Variants in CRISP2 observed in about 807,000 individuals in gnomAD.
CRISP2 encodes cysteine rich secretory protein 2, also known as cysteine-rich secretory protein 2.
A neutral mutation model predicts 31.7 loss-of-function variants in CRISP2; 29 were observed. The observed-to-expected ratio is 0.92, with a 90% CI of 0.68 to 1.25. CRISP2 has a LOEUF of 1.25. Among genes scored for constraint, CRISP2 ranks in the 50% most tolerant of loss-of-function variants. The pLI is 0.00. For synonymous variants in CRISP2, 111 were observed against 101.4 expected, an observed-to-expected ratio of 1.09 and a Z score of -0.57; for missense variants, 318 against 286.5, an observed-to-expected ratio of 1.11 and a Z score of -0.79.
At chr6:49,692,921 T>C in intron 9 of CRISP2, 21 bp from the exon 10 acceptor site, 2 of 1,611,454 alleles carry the variant, frequency 1.2e-6, no homozygotes, top group Non-Finnish European at 8.5e-7. Flanking sequence ...AACAGATTAG[T>C]TAACTCATTA....
intron 4 of CRISP2, among the ~76,000 whole-genome samples, chr6:49,702,679 C>T (rs1417759347): frequency 6.6e-6 from 1 of 151,788 alleles, no homozygotes; most frequent in Non-Finnish European, 1.5e-5. Flanking sequence ...TGTTTTAGTT[C>T]CTTGTAGATT....
At chr6:49,701,039 A>G (rs1454678441) in intron 4 of CRISP2, among the ~76,000 whole-genome samples, 1 of 152,154 alleles carries the variant, frequency 6.6e-6, no homozygotes, top group African/African-American at 2.4e-5. Context: ...GGAAAGTAGT[A>G]GATTAAAGCT....
intron 9 of CRISP2, among the ~76,000 whole-genome samples, chr6:49,695,026 A>T (rs1218067271): frequency 6.6e-6 from 1 of 152,116 alleles, no homozygotes; most frequent in African/African-American, 2.4e-5. Context: ...TCTGAAATAT[A>T]GCTATATAAC....
Position 49,700,671 on chromosome 6 carries a change from C to T in CRISP2, c.180G>A (p.Lys60=), listed in dbSNP as rs202130681. Residue 60 remains lysine (K), a synonymous_variant, in exon 5 of 10, where the codon AAG becomes AAA. Transcript: ENST00000339139. ...TCCTTACAGCACTGCCTCTTACCAT[C>T]TTTAGCATGTTACTGGCAGGTGGAG... ...AVSPPASNML[K]MEWSREVTTN... 4 of 1,598,314 alleles carry T rather than the reference C, an allele frequency of 2.5e-6. No individual in the cohort carries two copies. The highest frequency in any genetic ancestry group is 4.5e-5 in the East Asian group (2 of 44,758).
chr6:49,702,154 T>TGTGTAC lies in CRISP2; in HGVS notation c.67-1371_67-1370insGTACAC, dbSNP rs1263956320. 2.0e-3 allele frequency among the ~76,000 whole-genome samples: 114 copies of TGTGTAC among 57,656 alleles called. 3 individuals are homozygous for TGTGTAC. Among genetic ancestry groups the TGTGTAC allele is most frequent in the African/African-American group, 7.8e-3 (111 of 14,318 alleles). 37.8% of individuals were successfully genotyped at this position (57,656 alleles called of 152,430 possible). A position where few individuals can be genotyped will look rare whatever the true frequency, so the allele number is the denominator to read the frequency against. ...TATATGTGTACTATATATATATATA[T>TGTGTAC]ATATATATATATATATATATATATA... On this transcript the variant is annotated intron_variant, in intron 4 of 9. Transcript: ENST00000339139.
At chr6:49,698,045 AT>A (rs776911358) in intron 7 of CRISP2, 88 bp from the exon 8 acceptor site, 62 of 1,071,314 alleles carry the variant, frequency 5.8e-5, no homozygotes, top group Non-Finnish European at 8.3e-5. Context: ...AAACTGAAAA[AT>A]GTTAGTTTTA....
downstream of CRISP2, among the ~76,000 whole-genome samples, chr6:49,691,375 T>C (rs531453786): frequency 1.1e-3 from 172 of 152,176 alleles, no homozygotes; most frequent in Non-Finnish European, 1.9e-3. Context: ...TGTCAAAAAA[T>C]CAATTTCCAA....
At chr6:49,701,223 C>A (rs1056941498) in intron 4 of CRISP2, among the ~76,000 whole-genome samples, 1 of 151,856 alleles carries the variant, frequency 6.6e-6, no homozygotes, top group Admixed American at 6.6e-5. Context: ...GTGCACCCAT[C>A]ACCCCAGCAG....
Position 49,692,738 on chromosome 6 carries a change from A to G in CRISP2, c.*35T>C. The G allele has an allele frequency of 6.3e-7, 1 of 1,580,132 alleles. No individual in the cohort carries two copies. On this transcript the variant is annotated 3_prime_UTR_variant, in exon 10 of 10. Transcript: ENST00000339139. ...GTCGCAATTAAATGATGCAGCCCTTATCCATGCAGTCTTGCACAATGCTCA... is the reference window on the plus strand; with the variant it reads ...GTCGCAATTAAATGATGCAGCCCTTGTCCATGCAGTCTTGCACAATGCTCA...
chr6:49,682,575 T>C, the CRISP2 span, among the ~76,000 whole-genome samples: 8,425 of 105,894 alleles, frequency 0.08, 486 homozygotes, highest in African/African-American at 0.18. Flanking sequence ...TTCTTTCTTT[T>C]TCTTTCTTTC....
Position 49,709,220 on chromosome 6 carries a change from A to G in CRISP2, c.-9-15T>C, listed in dbSNP as rs764533854. On this transcript the variant is annotated splice_polypyrimidine_tract_variant and intron_variant, in intron 3 of 9. Coordinates refer to ENST00000339139, the MANE Select transcript of CRISP2 (RefSeq NM_003296.4). Reference sequence around the variant, plus strand: ...ATTGCTGGAAACTAAGTCAAGAAAAACAAAGGTCTGCATTGAAATATGTAG... The same window carrying G: ...ATTGCTGGAAACTAAGTCAAGAAAAGCAAAGGTCTGCATTGAAATATGTAG... 1.2e-6 allele frequency: 2 copies of G among 1,612,340 alleles called. No homozygotes were observed. The highest frequency in any genetic ancestry group is 2.2e-5 in the South Asian group (2 of 91,040).
rs1194411376 is a variant in CRISP2, at chr6:49,709,113, T to G, written c.66+18A>C. On this transcript the variant is annotated intron_variant, in intron 4 of 9. Coordinates refer to ENST00000339139, the MANE Select transcript of CRISP2 (RefSeq NM_003296.4). Reference sequence around the variant, plus strand: ...AGTTGCTGGATAGCTCTGAAAAGATTTTCCATTTTAACCTTACCTTTCCTT... The same window carrying G: ...AGTTGCTGGATAGCTCTGAAAAGATGTTCCATTTTAACCTTACCTTTCCTT... 6.2e-7 allele frequency: 1 copy of G among 1,611,346 alleles called. No homozygotes were observed. Among genetic ancestry groups the G allele is most frequent in the African/African-American group, 1.3e-5 (1 of 74,868 alleles).
At chr6:49,684,103 A>G in the CRISP2 span, among the ~76,000 whole-genome samples, 1 of 152,100 alleles carries the variant, frequency 6.6e-6, no homozygotes, top group African/African-American at 2.4e-5. Context: ...CGTAAAATAA[A>G]GAGAAAGGAA....
rs563600959 is a variant in CRISP2 at position 49,697,649 on chromosome 6, G to A, written c.515+211C>T. The A allele has an allele frequency of 6.4e-5, 86 of 1,338,218 alleles. No homozygotes were observed. The South Asian group carries it at 1.0e-3, about 16-fold the overall frequency. The allele number at this position is 1,338,218 out of a possible 1,614,324, so 82.9% of individuals were successfully genotyped here. ...AAAGAAAAGACATTATTCTGTTAAT[G>A]AGGAATGAGAGCTTCAGTTTTTATA... On this transcript the variant is annotated intron_variant, in intron 8 of 9. Transcript: ENST00000339139.
At position 49,709,203 on chromosome 6, in the gene CRISP2, A is replaced by C; in HGVS notation, c.-7T>G. Reference sequence around the variant, plus strand: ...ACACCGGTAGTAAAGCCATTGCTGGAAACTAAGTCAAGAAAAACAAAGGTC... The same window carrying C: ...ACACCGGTAGTAAAGCCATTGCTGGCAACTAAGTCAAGAAAAACAAAGGTC... On this transcript the variant is annotated splice_region_variant and 5_prime_UTR_variant, in exon 4 of 10. Coordinates refer to ENST00000339139, the MANE Select transcript of CRISP2 (RefSeq NM_003296.4). 1 of 1,613,320 alleles carries C rather than the reference A, an allele frequency of 6.2e-7. No individual in the cohort carries two copies. Among genetic ancestry groups the C allele is most frequent in the Non-Finnish European group, 8.5e-7 (1 of 1,179,818 alleles).
Position 49,700,885 on chromosome 6 carries a change from G to T in CRISP2, c.67-101C>A. Reference sequence around the variant, plus strand: ...GAGAACAAAGGTCACTTTAAAAAGTGCAAAATAGTTATCATGTACATATAT... The same window carrying T: ...GAGAACAAAGGTCACTTTAAAAAGTTCAAAATAGTTATCATGTACATATAT... On this transcript the variant is annotated intron_variant, in intron 4 of 9. Transcript: ENST00000339139. 5.7e-6 allele frequency: 4 copies of T among 698,774 alleles called. 1 individual carries two copies. The highest frequency in any genetic ancestry group is 5.2e-5 in the South Asian group (3 of 57,166). The allele number at this position is 698,774 out of a possible 1,614,324, so 43.3% of individuals were successfully genotyped here.
rs764770903 is a variant in CRISP2 at position 49,698,436 on chromosome 6, A to G, written c.343T>C (p.Tyr115His). Residue 115 changes from tyrosine (Y) to histidine (H), a missense_variant, in exon 7 of 10, where the codon TAT becomes CAT. By Grantham distance (83) the Tyr-to-His change is moderately conservative (BLOSUM62 2). Coordinates refer to ENST00000339139, the MANE Select transcript of CRISP2 (RefSeq NM_003296.4). ...TAGACAAAATCTAGGATCTCGTCAT[A>G]CCAGCTTTGGATTGCAGAAGACCAG... ...TSWSSAIQSW[Y>H]DEILDFVYGV... is the part of the protein sequence containing the mutation. 15 of 1,613,508 alleles carry G rather than the reference A, an allele frequency of 9.3e-6. No homozygotes were observed. The highest frequency in any genetic ancestry group is 1.3e-5 in the Non-Finnish European group (15 of 1,179,646).
intron 3 of CRISP2, among the ~76,000 whole-genome samples, chr6:49,709,725 T>A (rs1255019074): frequency 6.6e-6 from 1 of 152,222 alleles, no homozygotes; most frequent in Non-Finnish European, 1.5e-5. Context: ...TTATTAGCTG[T>A]TATTTCCCTA....
chr6:49,706,711 C>A (rs1340535709), intron 4 of CRISP2, among the ~76,000 whole-genome samples: 1 of 152,130 alleles, frequency 6.6e-6, no homozygotes, highest in Non-Finnish European at 1.5e-5. Context: ...TTTTCTGACA[C>A]CTTGCAATAA....
Sources: gnomAD v4.1 joint callset for allele counts (sites outside exome capture counted in the v4.1 genomes callset) on GRCh38, gnomAD v4.1.1 for gene constraint, MANE v1.5 for transcripts, NCBI Gene and HGNC (gene_info 2026-07-23, HGNC 2026-07-21) for gene names.